TPRX2: variants seen among roughly 807,000 people sequenced by gnomAD.
TPRX2 encodes tetrapeptide repeat homeobox protein 2.
At chr19:47,860,677 T>G in the TPRX2 span, 3 of 925,590 alleles carry the variant, frequency 3.2e-6, no homozygotes, top group Non-Finnish European at 1.5e-6. Context: ...GGGGCCCTCA[T>G]ATGGTGGGTG....
chr19:47,860,523 CG>C, the TPRX2 span, among the ~76,000 whole-genome samples: 34 of 151,810 alleles, frequency 2.2e-4, no homozygotes, highest in African/African-American at 8.0e-4. Flanking sequence ...CTCAGGCACC[CG>C]TGAGAACCCG....
chr19:47,859,255 C>A, the TPRX2 span, among the ~76,000 whole-genome samples: 1 of 151,138 alleles, frequency 6.6e-6, no homozygotes, highest in Non-Finnish European at 1.5e-5. Context: ...GGATGCAAGA[C>A]CCTGGTCATC....
the TPRX2 span, chr19:47,860,006 C>T: frequency 1.1e-6 from 1 of 947,276 alleles, no homozygotes; most frequent in Non-Finnish European, 1.6e-6. Flanking sequence ...GCGGTGCCGC[C>T]CCAGCCCACA....
chr19:47,860,884 G>T, the TPRX2 span: 20 of 1,532,942 alleles, frequency 1.3e-5, no homozygotes, highest in East Asian at 3.9e-4. Context: ...GGGCAGAGAG[G>T]CCGAGGAGCC....
At chr19:47,860,594 C>G in the TPRX2 span, among the ~76,000 whole-genome samples, 1 of 151,548 alleles carries the variant, frequency 6.6e-6, no homozygotes, top group Non-Finnish European at 1.5e-5. Context: ...GACCCGGCTC[C>G]TCCCCTCCCA....
At chr19:47,861,299 C>T in the TPRX2 span, 2 of 489,606 alleles carry the variant, frequency 4.1e-6, no homozygotes, top group East Asian at 5.9e-5. Flanking sequence ...CAGGATCACT[C>T]CCAACCCCAG....
chr19:47,860,793 G>A, the TPRX2 span: 1 of 1,539,812 alleles, frequency 6.5e-7, no homozygotes, highest in Non-Finnish European at 8.7e-7. Flanking sequence ...TGTCCCCTCT[G>A]CCCCCCAGGT....
At chr19:47,861,048 G>A in the TPRX2 span, 1 of 824,856 alleles carries the variant, frequency 1.2e-6, no homozygotes, top group Non-Finnish European at 2.0e-6. Flanking sequence ...CCGGACCTGG[G>A]GTGGCCCTGA....
the TPRX2 span, among the ~76,000 whole-genome samples, chr19:47,860,545 CCT>C: frequency 5.3e-5 from 8 of 151,814 alleles, 1 homozygote; most frequent in African/African-American, 1.9e-4. Flanking sequence ...CGGTCCCTCC[CCT>C]GGAACCCTCC....
the TPRX2 span, chr19:47,861,341 T>C: frequency 2.1e-6 from 1 of 472,854 alleles, no homozygotes. Flanking sequence ...AGAGCCCCTA[T>C]GCCTCCAACT....
At chr19:47,861,123 A>G in the TPRX2 span, 1 of 700,986 alleles carries the variant, frequency 1.4e-6, no homozygotes, top group Non-Finnish European at 2.6e-6. Flanking sequence ...CCCAGCCCCT[A>G]TCCCAGGCCC....
At chr19:47,860,389 G>T in the TPRX2 span, 2 of 648,488 alleles carry the variant, frequency 3.1e-6, no homozygotes, top group African/African-American at 1.9e-5. Context: ...GCCCTGCCAC[G>T]CAAGGGGTCC....
the TPRX2 span, among the ~76,000 whole-genome samples, chr19:47,860,546 C>T: frequency 2.0e-5 from 3 of 151,852 alleles, no homozygotes; most frequent in Non-Finnish European, 2.9e-5. Flanking sequence ...GGTCCCTCCC[C>T]TGGAACCCTC....
the TPRX2 span, chr19:47,860,712 A>C: frequency 7.2e-7 from 1 of 1,384,854 alleles, no homozygotes; most frequent in East Asian, 2.7e-5. Context: ...ACACCGGGAG[A>C]GTTTTGAGGC....
chr19:47,861,176 A>T, the TPRX2 span: 1 of 668,456 alleles, frequency 1.5e-6, no homozygotes, highest in East Asian at 2.9e-5. Context: ...CCCCGAATTT[A>T]GGCCCAATGT....
the TPRX2 span, chr19:47,861,206 G>A: frequency 3.2e-6 from 2 of 616,304 alleles, no homozygotes; most frequent in East Asian, 6.8e-5. Context: ...TGTCAGTCTC[G>A]ATCCCCGGTC....
At chr19:47,860,965 G>C in the TPRX2 span, 1 of 1,393,338 alleles carries the variant, frequency 7.2e-7, no homozygotes, top group Non-Finnish European at 9.8e-7. Context: ...CAGGGCAGGG[G>C]TTCCTGGATC....
chr19:47,861,327 C>G, the TPRX2 span: 1 of 475,980 alleles, frequency 2.1e-6, no homozygotes, highest in Non-Finnish European at 4.2e-6. Flanking sequence ...CGCCTTGTGG[C>G]CTCAGAGCCC....
chr19:47,859,964 C>A, the TPRX2 span: 1 of 528,176 alleles, frequency 1.9e-6, no homozygotes, highest in Non-Finnish European at 3.4e-6. Flanking sequence ...CAGAGAGGTG[C>A]AAGGTCTGGT....
Sources: allele counts gnomAD v4.1 joint callset (sites outside exome capture counted in the v4.1 genomes callset), GRCh38; gene constraint gnomAD v4.1.1; transcripts MANE v1.5; gene names NCBI Gene and HGNC (gene_info 2026-07-23, HGNC 2026-07-21).